Variants in GPHN observed in about 807,000 individuals in gnomAD.
GPHN encodes gephyrin.
In GPHN, 17 loss-of-function variants were observed where a neutral mutation model predicts 95.5. The ratio of observed to expected loss-of-function variants is 0.18; its 90% CI spans 0.12 to 0.27. The LOEUF is 0.27. Ranked by LOEUF, GPHN falls within the 10% of genes least tolerant of loss-of-function variation. GPHN has a pLI of 1.00. For synonymous variants in GPHN, 320 were observed against 322.5 expected, an observed-to-expected ratio of 0.99 and a Z score of 0.08; for missense variants, 660 against 978.1, an observed-to-expected ratio of 0.67 and a Z score of 4.34.
chr14:67,007,047 T>G (rs1043754356), intron 9 of GPHN, among the ~76,000 whole-genome samples: 4 of 152,156 alleles, frequency 2.6e-5, no homozygotes, highest in Non-Finnish European at 5.9e-5. Flanking sequence ...ATTTTAAAAT[T>G]TATTAGGAAC....
At chr14:67,383,461 A>G in the GPHN span, 3 of 1,611,292 alleles carry the variant, frequency 1.9e-6, no homozygotes, top group African/African-American at 4.0e-5. Flanking sequence ...AACAGAGTCC[A>G]ATTTAAGGAA....
At chr14:66,539,767 A>G (rs1384077775) in intron 1 of GPHN, among the ~76,000 whole-genome samples, 2 of 152,056 alleles carry the variant, frequency 1.3e-5, no homozygotes, top group Non-Finnish European at 2.9e-5. Flanking sequence ...GGCCAATCTC[A>G]GTTCTCAGTC....
At chr14:66,884,457 T>G (rs1473093377) in intron 5 of GPHN, among the ~76,000 whole-genome samples, 1 of 152,124 alleles carries the variant, frequency 6.6e-6, no homozygotes, top group African/African-American at 2.4e-5. Context: ...TTACTAGCAT[T>G]TACTAGCAGT....
the GPHN span, chr14:67,473,077 T>G: frequency 3.6e-6 from 1 of 274,648 alleles, no homozygotes; most frequent in Non-Finnish European, 7.0e-6. The surrounding 1 kb of genome is among the most constrained non-coding windows in gnomAD (Gnocchi z 6.5). Context: ...TGCGGCCCCA[T>G]TCTCATTGTC....
chr14:67,559,976 A>G, the GPHN span, among the ~76,000 whole-genome samples: 6 of 152,188 alleles, frequency 3.9e-5, no homozygotes, highest in Admixed American at 2.0e-4. Context: ...TCTTTCTAGG[A>G]AGCCCACACA....
At chr14:67,454,397 C>G in the GPHN span, 1 of 152,184 alleles carries the variant, frequency 6.6e-6, no homozygotes, top group Non-Finnish European at 1.5e-5. Context: ...AAGGATGATA[C>G]CTTAAATTTT....
the GPHN span, among the ~76,000 whole-genome samples, chr14:67,268,117 G>C: frequency 6.6e-6 from 1 of 152,128 alleles, no homozygotes; most frequent in Non-Finnish European, 1.5e-5. Flanking sequence ...CAGTCATATG[G>C]AAACTGTATG....
At chr14:67,570,154 T>C in the GPHN span, 1 of 714,416 alleles carries the variant, frequency 1.4e-6, no homozygotes, top group East Asian at 2.7e-5. Context: ...CACGTGTCAT[T>C]TTGTTTTATT....
At chr14:66,687,122 G>T (rs2067423535) in intron 2 of GPHN, among the ~76,000 whole-genome samples, 1 of 152,094 alleles carries the variant, frequency 6.6e-6, no homozygotes, top group African/African-American at 2.4e-5. Flanking sequence ...TGTTGGATAA[G>T]CTTTTTGATG....
chr14:66,570,252 AC>A (rs1193351206), intron 1 of GPHN, among the ~76,000 whole-genome samples: 2 of 151,696 alleles, frequency 1.3e-5, no homozygotes, highest in Non-Finnish European at 2.9e-5. Flanking sequence ...CTGAAATAAA[AC>A]ATGGGAGTGC....
chr14:67,541,724 C>A, the GPHN span: 1 of 705,016 alleles, frequency 1.4e-6, no homozygotes, highest in Non-Finnish European at 2.2e-6. Flanking sequence ...CCTGTTTTCT[C>A]TTCCCCAGCC....
At chr14:67,073,111 C>A (rs1009759435) in intron 11 of GPHN, among the ~76,000 whole-genome samples, 6 of 151,902 alleles carry the variant, frequency 3.9e-5, no homozygotes, top group African/African-American at 1.2e-4. Context: ...AACACAGGAC[C>A]ACTCTTTGTG....
the GPHN span, among the ~76,000 whole-genome samples, chr14:67,699,255 GA>G: frequency 0.088 from 12,260 of 139,212 alleles, 688 homozygotes; most frequent in East Asian, 0.24. Context: ...CTCTATCTCA[GA>G]AAAAAAAAAA....
the GPHN span, among the ~76,000 whole-genome samples, chr14:67,462,433 A>C: frequency 1.1e-4 from 16 of 152,272 alleles, no homozygotes; most frequent in South Asian, 2.9e-3. Context: ...GCAGCCTTGT[A>C]CTACTGGGCT....
intron 2 of GPHN, among the ~76,000 whole-genome samples, chr14:66,734,043 G>A (rs930259808): frequency 2.6e-5 from 4 of 152,008 alleles, no homozygotes; most frequent in African/African-American, 7.2e-5. Flanking sequence ...CATCACCCTG[G>A]TTTAAGCCAA....
the GPHN span, among the ~76,000 whole-genome samples, chr14:67,509,845 T>TCTCCATATAATTG: frequency 6.6e-6 from 1 of 151,920 alleles, no homozygotes; most frequent in East Asian, 1.9e-4. Context: ...AAAGACTCTG[T>TCTCCATATAATTG]CTCCATATAA....
intron 2 of GPHN, among the ~76,000 whole-genome samples, chr14:66,770,415 G>A (rs1276300079): frequency 6.6e-6 from 1 of 152,088 alleles, no homozygotes; most frequent in Non-Finnish European, 1.5e-5. Context: ...CCTGCATCCA[G>A]AATGGTATTG....
the GPHN span, among the ~76,000 whole-genome samples, chr14:67,268,667 A>G: frequency 6.6e-6 from 1 of 152,188 alleles, no homozygotes; most frequent in Non-Finnish European, 1.5e-5. Flanking sequence ...TAGCATGCTA[A>G]CGCATTATAA....
the GPHN span, among the ~76,000 whole-genome samples, chr14:67,672,762 A>G: frequency 1.1e-4 from 17 of 152,078 alleles, no homozygotes; most frequent in Admixed American, 5.9e-4. Context: ...CTTTTCAATC[A>G]CATAAATCAG....
Sources: gnomAD v4.1 joint callset for allele counts (sites outside exome capture counted in the v4.1 genomes callset) on GRCh38, gnomAD v4.1.1 for gene constraint, Gnocchi (gnomAD v3.1) non-coding constraint, MANE v1.5 for transcripts, NCBI Gene and HGNC (gene_info 2026-07-23, HGNC 2026-07-21) for gene names.